Variants in TTLL7 observed in about 807,000 individuals in gnomAD.
TTLL7 encodes the protein tubulin polyglutamylase TTLL7.
A neutral mutation model predicts 120.2 loss-of-function variants in TTLL7; 53 were observed. The observed-to-expected ratio is 0.44, with a 90% CI of 0.35 to 0.55. The LOEUF is 0.55. Ranked by LOEUF, TTLL7 falls within the 20% of genes least tolerant of loss-of-function variation. The pLI is 0.00. For missense variants in TTLL7, 803 were observed against 1,054.7 expected (o/e 0.76, Z 3.31); for synonymous variants, 353 against 351.7 (o/e 1.00, Z -0.04).
intron 10 of TTLL7, among the ~76,000 whole-genome samples, chr1:83,923,933 C>G (rs377261103): frequency 4.6e-5 from 7 of 152,154 alleles, no homozygotes; most frequent in East Asian, 3.8e-4. Flanking sequence ...TCTCTGATCA[C>G]TTGCTTCACG....
chr1:83,884,033 G>A (rs188019784), intron 19 of TTLL7, among the ~76,000 whole-genome samples: 2 of 151,424 alleles, frequency 1.3e-5, no homozygotes, highest in African/African-American at 4.9e-5. Flanking sequence ...TTGTGTGGGG[G>A]GTGTGTGTGT....
chr1:83,976,075 G>A (rs1297244664), intron 1 of TTLL7, among the ~76,000 whole-genome samples: 4 of 146,778 alleles, frequency 2.7e-5, no homozygotes, highest in Non-Finnish European at 6.0e-5. Flanking sequence ...GTGTGTGTGT[G>A]TCTGTGTGTG....
At chr1:83,910,196 C>T (rs1021912674) in intron 15 of TTLL7, among the ~76,000 whole-genome samples, 3 of 152,022 alleles carry the variant, frequency 2.0e-5, no homozygotes, top group African/African-American at 4.8e-5. Context: ...TGCATTTTGC[C>T]GTAAGTGTTT....
chr1:83,963,626 C>G (rs1047276498), intron 1 of TTLL7, among the ~76,000 whole-genome samples: 1 of 151,988 alleles, frequency 6.6e-6, no homozygotes, highest in Non-Finnish European at 1.5e-5. Context: ...AGCAGGTTTC[C>G]TTACATGTTT....
intron 15 of TTLL7, 110 bp downstream of exon 15, chr1:83,911,055 T>C (rs1657633636): frequency 1.2e-6 from 1 of 827,686 alleles, no homozygotes; most frequent in Non-Finnish European, 1.9e-6. Context: ...GGAATCCAGG[T>C]CTCCTCACAC....
intron 9 of TTLL7, among the ~76,000 whole-genome samples, chr1:83,931,549 A>G (rs1659599689): frequency 6.6e-6 from 1 of 152,114 alleles, no homozygotes; most frequent in South Asian, 2.1e-4. Flanking sequence ...TTTACCTACT[A>G]GTACTTATAA....
At chr1:83,950,979 G>A (rs1326210707) in intron 3 of TTLL7, among the ~76,000 whole-genome samples, 2 of 152,142 alleles carry the variant, frequency 1.3e-5, no homozygotes, top group Non-Finnish European at 2.9e-5. Flanking sequence ...GAGTATATGA[G>A]AGACACTGCC....
intron 1 of TTLL7, among the ~76,000 whole-genome samples, chr1:83,967,754 C>A (rs1007796496): frequency 2.0e-5 from 3 of 151,726 alleles, no homozygotes; most frequent in African/African-American, 7.3e-5. Flanking sequence ...TAACTCAAGC[C>A]CTCACTCAAA....
intron 9 of TTLL7, among the ~76,000 whole-genome samples, chr1:83,930,340 A>G (rs1161585199): frequency 1.3e-5 from 2 of 152,114 alleles, no homozygotes. Context: ...TGATGGATGC[A>G]TGGTACTCCT....
At chr1:83,904,565 G>A (rs1657023721) in intron 17 of TTLL7, among the ~76,000 whole-genome samples, 1 of 152,076 alleles carries the variant, frequency 6.6e-6, no homozygotes, top group Non-Finnish European at 1.5e-5. Context: ...AATCCAGGAG[G>A]TGGAGGTTGC....
chr1:83,878,700 G>C (rs1654178754), intron 20 of TTLL7, among the ~76,000 whole-genome samples: 3 of 151,958 alleles, frequency 2.0e-5, no homozygotes, highest in Admixed American at 2.0e-4. Flanking sequence ...GTGCTAACTT[G>C]GTGGTTTTTA....
intron 1 of TTLL7, among the ~76,000 whole-genome samples, chr1:83,977,817 G>A (rs1651626824): frequency 6.6e-6 from 1 of 152,152 alleles, no homozygotes; most frequent in Non-Finnish European, 1.5e-5. Context: ...AATTTGGAAA[G>A]TCATATTGTG....
intron 20 of TTLL7, among the ~76,000 whole-genome samples, chr1:83,870,310 T>C (rs1653247040): frequency 6.6e-6 from 1 of 152,222 alleles, no homozygotes; most frequent in South Asian, 2.1e-4. Context: ...AAAGAGCCAC[T>C]GTACTCAAAT....
intron 1 of TTLL7, among the ~76,000 whole-genome samples, chr1:83,974,048 C>G (rs1266617631): frequency 2.0e-5 from 3 of 151,876 alleles, no homozygotes; most frequent in Non-Finnish European, 1.5e-5. Context: ...AATTTTTTTA[C>G]TAACTCATTT....
chr1:83,955,018 C>T (rs114048092), intron 1 of TTLL7, among the ~76,000 whole-genome samples: 6,344 of 152,188 alleles, frequency 0.042, 158 homozygotes, highest in Middle Eastern at 0.099. Flanking sequence ...AATAGATACA[C>T]GAAATTGAAA....
intron 19 of TTLL7, among the ~76,000 whole-genome samples, chr1:83,885,483 T>G (rs566839671): frequency 2.0e-5 from 3 of 152,140 alleles, no homozygotes; most frequent in South Asian, 2.1e-4. Flanking sequence ...ATGGCCAGCT[T>G]TGGCTTCTCA....
At chr1:83,892,862 A>ACGCATATATGAG (rs1655827358) in intron 18 of TTLL7, among the ~76,000 whole-genome samples, 4 of 150,988 alleles carry the variant, frequency 2.6e-5, no homozygotes, top group South Asian at 4.2e-4. Flanking sequence ...ATATATATGA[A>ACGCATATATGAG]TATATATAAA....
At chr1:83,882,941 G>A in intron 20 of TTLL7, 22 bp downstream of exon 20, 1 of 1,605,572 alleles carries the variant, frequency 6.2e-7, no homozygotes, top group Non-Finnish European at 8.5e-7. Flanking sequence ...ACTCTCAAGG[G>A]TTAGAGAATG....
chr1:83,872,488 T>G (rs1203050945), intron 20 of TTLL7, among the ~76,000 whole-genome samples: 1 of 152,210 alleles, frequency 6.6e-6, no homozygotes, highest in Non-Finnish European at 1.5e-5. Context: ...GAAAACGAGG[T>G]GTTTTATCAA....
Sources: gnomAD v4.1 joint callset for allele counts (sites outside exome capture counted in the v4.1 genomes callset) on GRCh38, gnomAD v4.1.1 for gene constraint, MANE v1.5 for transcripts, NCBI Gene and HGNC (gene_info 2026-07-23, HGNC 2026-07-21) for gene names.